ADARB2: variants seen among roughly 807,000 people sequenced by gnomAD.
ADARB2 encodes the protein inactive double-stranded RNA-specific editase B2.
In ADARB2, 25 loss-of-function variants were observed where a neutral mutation model predicts 62.2. The observed-to-expected ratio is 0.40, with a 90% CI of 0.29 to 0.56. The LOEUF (loss-of-function observed/expected upper bound fraction) is 0.56, where lower values mean the gene tolerates loss of function less well. Among genes scored for constraint, ADARB2 ranks in the 20% least tolerant of loss-of-function variants. The pLI, the probability that ADARB2 is intolerant of heterozygous loss-of-function variation, is 0.43. For synonymous variants in ADARB2, 572 were observed against 500.8 expected, an observed-to-expected ratio of 1.14 and a Z score of -1.90; for missense variants, 1,071 against 1,077.4, an observed-to-expected ratio of 0.99 and a Z score of 0.08.
intron 6 of ADARB2, among the ~76,000 whole-genome samples, chr10:1,223,848 C>T (rs1227789791): frequency 6.6e-6 from 1 of 152,204 alleles, no homozygotes; most frequent in Non-Finnish European, 1.5e-5. Flanking sequence ...AGAATTTTTG[C>T]ATCAATGCTC....
At chr10:1,275,395 T>C (rs1314683104) in intron 3 of ADARB2, among the ~76,000 whole-genome samples, 1 of 152,176 alleles carries the variant, frequency 6.6e-6, no homozygotes, top group Admixed American at 6.5e-5. Context: ...GGTGTGCACA[T>C]TCAGTCCTGC....
intron 1 of ADARB2, chr10:1,675,107 T>G (rs1342738461): frequency 1.0e-6 from 1 of 983,468 alleles, no homozygotes; most frequent in African/African-American, 1.8e-5. Context: ...TTCTGGAGGT[T>G]TGGGTTGCGG....
At chr10:1,462,125 T>C (rs1023833086) in intron 1 of ADARB2, among the ~76,000 whole-genome samples, 3 of 152,196 alleles carry the variant, frequency 2.0e-5, no homozygotes, top group Non-Finnish European at 2.9e-5. Flanking sequence ...CTTGGCAGGA[T>C]ATAGCCATTC....
intron 1 of ADARB2, among the ~76,000 whole-genome samples, chr10:1,540,491 A>AATTT (rs1832404309): frequency 1.0e-5 from 1 of 99,812 alleles, no homozygotes; most frequent in Non-Finnish European, 2.2e-5. Context: ...GACGTAGTTC[A>AATTT]GACCCTGGAT....
rs1170623117 is a variant in ADARB2 at position 1,242,117 on chromosome 10, C to A, written c.1361+14G>T. 28 of 1,590,340 alleles carry A rather than the reference C, an allele frequency of 1.8e-5. No individual in the cohort carries two copies. The East Asian group carries it at 1.8e-4, about 10-fold the overall frequency. On this transcript the variant is annotated intron_variant, in intron 5 of 9. Coordinates refer to ENST00000381312, the MANE Select transcript of ADARB2 (RefSeq NM_018702.4). ...GGCGTCCGCCTTCCCTGGAGCCCGT[C>A]CCCAGCCGCTCACCTCAGGTGCAGC... is the stretch of plus-strand genomic sequence containing the variant.
intron 3 of ADARB2, among the ~76,000 whole-genome samples, chr10:1,344,603 A>C (rs114190468): frequency 0.012 from 1,756 of 152,334 alleles, 35 homozygotes; most frequent in African/African-American, 0.041. Context: ...CCCTTCTGGC[A>C]GCCACAGGGA....
At chr10:1,427,148 G>A (rs1404065993) in intron 1 of ADARB2, among the ~76,000 whole-genome samples, 1 of 152,240 alleles carries the variant, frequency 6.6e-6, no homozygotes, top group Non-Finnish European at 1.5e-5. Context: ...GTGGAGGACA[G>A]GTCACCTTTT....
At chr10:1,595,806 G>A (rs1197992337) in intron 1 of ADARB2, among the ~76,000 whole-genome samples, 2 of 152,234 alleles carry the variant, frequency 1.3e-5, no homozygotes, top group African/African-American at 2.4e-5. Context: ...TGGTTTGTGG[G>A]GATCCACAGA....
intron 1 of ADARB2, among the ~76,000 whole-genome samples, chr10:1,728,957 C>A (rs1279936028): frequency 6.6e-6 from 1 of 152,182 alleles, no homozygotes. Flanking sequence ...TATCCTAGTA[C>A]TTTTCCTAGA....
intron 8 of ADARB2, among the ~76,000 whole-genome samples, chr10:1,187,176 T>G (rs113618532): frequency 0.021 from 3,272 of 152,320 alleles, 109 homozygotes; most frequent in African/African-American, 0.074. Context: ...CGGTGGCAGC[T>G]GCCACCCCGA....
intron 1 of ADARB2, among the ~76,000 whole-genome samples, chr10:1,416,563 C>G (rs72762977): frequency 0.16 from 23,911 of 152,198 alleles, 2,574 homozygotes; most frequent in East Asian, 0.5. Flanking sequence ...AGAGCTAGAG[C>G]AGGTAACTGG....
At chr10:1,458,795 T>G (rs1477605396) in intron 1 of ADARB2, among the ~76,000 whole-genome samples, 2 of 152,238 alleles carry the variant, frequency 1.3e-5, no homozygotes, top group Non-Finnish European at 2.9e-5. Context: ...TTTTTCCTCA[T>G]GTGTACATTT....
chr10:1,214,676 G>T (rs1290649611), intron 7 of ADARB2, among the ~76,000 whole-genome samples: 1 of 152,260 alleles, frequency 6.6e-6, no homozygotes, highest in African/African-American at 2.4e-5. Context: ...GGGCACCAGA[G>T]AGTAAATTTA....
intron 1 of ADARB2, among the ~76,000 whole-genome samples, chr10:1,610,453 T>C (rs938905204): frequency 2.0e-5 from 3 of 152,230 alleles, no homozygotes; most frequent in Non-Finnish European, 1.5e-5. Flanking sequence ...TTTCAGTAAC[T>C]AGCACTACTT....
At chr10:1,717,838 A>G (rs1835041248) in intron 1 of ADARB2, among the ~76,000 whole-genome samples, 1 of 152,174 alleles carries the variant, frequency 6.6e-6, no homozygotes, top group South Asian at 2.1e-4. Flanking sequence ...TGGGCCTCCC[A>G]AAGTGCTGGG....
chr10:1,198,200 T>C (rs1156851420), intron 8 of ADARB2, among the ~76,000 whole-genome samples: 4 of 152,194 alleles, frequency 2.6e-5, no homozygotes, highest in Non-Finnish European at 4.4e-5. Context: ...TGAGTAAGGG[T>C]ATCTTTTTCA....
intron 1 of ADARB2, among the ~76,000 whole-genome samples, chr10:1,504,852 A>G (rs762763382): frequency 1.3e-5 from 2 of 152,152 alleles, no homozygotes; most frequent in Non-Finnish European, 2.9e-5. Flanking sequence ...CTTTTTTGAA[A>G]TTACTCTGGA....
chr10:1,425,393 T>G (rs1458123299), intron 1 of ADARB2, among the ~76,000 whole-genome samples: 1 of 152,242 alleles, frequency 6.6e-6, no homozygotes, highest in Middle Eastern at 3.2e-3. Context: ...CTATGCTTTG[T>G]CCTAGAACAC....
intron 6 of ADARB2, among the ~76,000 whole-genome samples, chr10:1,229,258 A>G (rs904202588): frequency 6.6e-6 from 1 of 152,180 alleles, no homozygotes; most frequent in African/African-American, 2.4e-5. Flanking sequence ...ATCCCAGGAA[A>G]GTGGGGCTGG....
Sources: allele counts gnomAD v4.1 joint callset (sites outside exome capture counted in the v4.1 genomes callset), GRCh38; gene constraint gnomAD v4.1.1; transcripts MANE v1.5; gene names NCBI Gene and HGNC (gene_info 2026-07-23, HGNC 2026-07-21).